LRGUK: variants seen among roughly 807,000 people sequenced by gnomAD.
LRGUK encodes leucine rich repeats and guanylate kinase domain containing, also known as leucine-rich repeat and guanylate kinase domain-containing protein.
Under a neutral mutation model 76.0 loss-of-function variants are expected in LRGUK, and 65 were observed. The observed-to-expected ratio is 0.85, with a 90% CI of 0.70 to 1.05. The LOEUF is 1.05. LRGUK is among the 50% of genes least tolerant of loss of function. The pLI is 0.00. For synonymous variants in LRGUK, 268 were observed against 265.6 expected (o/e 1.01, Z -0.09); for missense variants, 758 against 732.8 (o/e 1.03, Z -0.40).
chr7:134,274,455 T>C, the LRGUK span, among the ~76,000 whole-genome samples: 1 of 152,216 alleles, frequency 6.6e-6, no homozygotes, highest in Non-Finnish European at 1.5e-5. Context: ...AGAAAATCTG[T>C]GATATAAAAT....
At chr7:134,270,173 A>G in the LRGUK span, among the ~76,000 whole-genome samples, 1 of 152,220 alleles carries the variant, frequency 6.6e-6, no homozygotes, top group Non-Finnish European at 1.5e-5. Flanking sequence ...TATGATCTAC[A>G]TAGAAAATTC....
intron 7 of LRGUK, among the ~76,000 whole-genome samples, chr7:134,173,847 A>C (rs1799364980): frequency 6.6e-6 from 1 of 152,240 alleles, no homozygotes; most frequent in African/African-American, 2.4e-5. Context: ...CGGGTGGCTC[A>C]TGCCTGTAAT....
At chr7:134,145,302 C>T (rs1309491508) in intron 4 of LRGUK, among the ~76,000 whole-genome samples, 3 of 151,926 alleles carry the variant, frequency 2.0e-5, no homozygotes, top group African/African-American at 7.3e-5. Context: ...GGCTGGAGTG[C>T]AATAGCAAGA....
chr7:134,177,175 T>C, intron 9 of LRGUK, 112 bp downstream of exon 9: 1 of 625,446 alleles, frequency 1.6e-6, no homozygotes, highest in Non-Finnish European at 2.8e-6. Flanking sequence ...CATAACAATA[T>C]GTACATTAAT....
chr7:134,205,440 C>T (rs1014071002), intron 15 of LRGUK, among the ~76,000 whole-genome samples: 3 of 152,110 alleles, frequency 2.0e-5, no homozygotes, highest in African/African-American at 7.2e-5. Context: ...TGGTGCTTCA[C>T]CTCATTGCTC....
At position 134,247,614 on chromosome 7, in the gene LRGUK, T is replaced by C. The variant is rs1200063578; in HGVS notation, c.2042T>C (p.Ile681Thr). 5 of 1,613,624 alleles carry C rather than the reference T, an allele frequency of 3.1e-6. No homozygotes were observed. The African/African-American group carries it at 6.7e-5, about 22-fold the overall frequency. ...GCCCGGCAAGCTCTAATGGGAAGGA[T>C]ACGCCCTGATCACACACTCCTATTT... Residue 681 changes from isoleucine to threonine, a missense_variant, in exon 17 of 20, where the codon ATA (isoleucine) becomes ACA (threonine). Ile to Thr is a moderately conservative substitution (Grantham distance 89). Coordinates refer to the LRGUK transcript ENST00000285928.
At chr7:134,230,201 A>G (rs1801858684) in intron 16 of LRGUK, among the ~76,000 whole-genome samples, 1 of 152,232 alleles carries the variant, frequency 6.6e-6, no homozygotes. Context: ...TAGGTAACCC[A>G]TAGGAAAATC....
chr7:134,224,755 A>G (rs1325746744), intron 16 of LRGUK, among the ~76,000 whole-genome samples: 1 of 152,164 alleles, frequency 6.6e-6, no homozygotes, highest in Non-Finnish European at 1.5e-5. Flanking sequence ...GGGCCTAATT[A>G]AAGAGAGTGC....
chr7:134,233,665 G>GA (rs1801951938), intron 16 of LRGUK, among the ~76,000 whole-genome samples: 1 of 152,168 alleles, frequency 6.6e-6, no homozygotes, highest in African/African-American at 2.4e-5. Context: ...GATTTCAGAA[G>GA]AAAAATGCCT....
chr7:134,150,600 G>C (rs1161159739), intron 5 of LRGUK, among the ~76,000 whole-genome samples: 7 of 152,130 alleles, frequency 4.6e-5, no homozygotes, highest in African/African-American at 1.7e-4. Flanking sequence ...ATGATGCCAT[G>C]GCAGTCTGGA....
intron 15 of LRGUK, among the ~76,000 whole-genome samples, chr7:134,218,563 G>C (rs916346573): frequency 2.6e-5 from 4 of 152,102 alleles, no homozygotes; most frequent in African/African-American, 9.7e-5. Flanking sequence ...CCCCCAAATG[G>C]TAAGTTCATC....
Position 134,183,733 on chromosome 7 carries a change from G to A in LRGUK, c.1215-1G>A. 6.2e-7 allele frequency: 1 copy of A among 1,613,840 alleles called. No individual in the cohort carries two copies. Among genetic ancestry groups the A allele is most frequent in the Non-Finnish European group, 8.5e-7 (1 of 1,179,800 alleles). On this transcript the variant is annotated splice_acceptor_variant, in intron 10 of 15. Coordinates refer to ENST00000645682, the Ensembl canonical transcript of LRGUK. LOFTEE classifies it high-confidence loss of function. ...GAACTGACTCTGGTCCTGTGTTGTA[G>A]CACTCTTCCCAGCCTGGATGCCCCT...
intron 6 of LRGUK, among the ~76,000 whole-genome samples, chr7:134,161,062 C>T (rs1363421974): frequency 6.6e-6 from 1 of 152,110 alleles, no homozygotes; most frequent in Non-Finnish European, 1.5e-5. Context: ...TGTCATCTAC[C>T]ACTTTGAAAG....
At chr7:134,180,809 T>C (rs1452666906) in intron 10 of LRGUK, among the ~76,000 whole-genome samples, 2 of 152,220 alleles carry the variant, frequency 1.3e-5, no homozygotes, top group East Asian at 1.9e-4. Context: ...ACATTCATAA[T>C]GTTATGTAAC....
At chr7:134,197,181 GTGTATA>G in intron 13 of LRGUK, 76 bp downstream of exon 13, 1 of 802,012 alleles carries the variant, frequency 1.2e-6, no homozygotes, top group Admixed American at 2.1e-5. Flanking sequence ...GTGTGTGTGT[GTGTATA>G]TATGTATAAA....
intron 18 of LRGUK, among the ~76,000 whole-genome samples, chr7:134,254,042 T>A (rs570865888): frequency 7.9e-5 from 12 of 152,222 alleles, no homozygotes; most frequent in Non-Finnish European, 1.6e-4. Context: ...GCAAAAGACA[T>A]ACACAATTCA....
chr7:134,177,636 A>C (rs983919011), intron 9 of LRGUK, among the ~76,000 whole-genome samples: 1 of 152,174 alleles, frequency 6.6e-6, no homozygotes, highest in African/African-American at 2.4e-5. Context: ...TTGCTTTAGT[A>C]GCTGGTGACA....
At chr7:134,175,720 A>C (rs557805234) in intron 8 of LRGUK, among the ~76,000 whole-genome samples, 1 of 152,202 alleles carries the variant, frequency 6.6e-6, no homozygotes, top group Non-Finnish European at 1.5e-5. Flanking sequence ...TTACTTTTGC[A>C]CCAACCTAAT....
At chr7:134,268,453 A>G (rs1322725021), downstream of LRGUK, among the ~76,000 whole-genome samples, 3 of 152,150 alleles carry the variant, frequency 2.0e-5, no homozygotes, top group Non-Finnish European at 4.4e-5. Flanking sequence ...GCCTATAAAT[A>G]TGTTAAGGAA....
Sources: gnomAD v4.1 joint callset for allele counts (sites outside exome capture counted in the v4.1 genomes callset) on GRCh38, gnomAD v4.1.1 for gene constraint, MANE v1.5 for transcripts, NCBI Gene and HGNC (gene_info 2026-07-23, HGNC 2026-07-21) for gene names.